Variants in ANKRD12 observed in about 807,000 individuals in gnomAD.
The protein encoded by ANKRD12 is ankyrin repeat domain 12, also known as ankyrin repeat domain-containing protein 12.
A neutral mutation model predicts 183.4 loss-of-function variants in ANKRD12; 85 were observed. That is an observed-to-expected ratio of 0.46 (90% CI 0.39 to 0.56). ANKRD12 has a LOEUF of 0.56. Among genes scored for constraint, ANKRD12 ranks in the 20% least tolerant of loss-of-function variants. The pLI is 0.00. For missense variants in ANKRD12, 2,405 were observed against 2,357.1 expected (o/e 1.02, Z -0.42); for synonymous variants, 914 against 800.2 (o/e 1.14, Z -2.40).
chr18:9,211,447 A>T (rs2144635520), intron 5 of ANKRD12, 137 bp from the exon 6 acceptor site: 1 of 716,856 alleles, frequency 1.4e-6, no homozygotes. Context: ...CGGATCATCC[A>T]AGTCAAGGTT....
rs2038509984 is a variant in ANKRD12, at chr18:9,254,907, C to T, written c.1640C>T (p.Ser547Phe). 3 of 1,564,632 alleles carry T rather than the reference C, an allele frequency of 1.9e-6. No homozygotes were observed. Among genetic ancestry groups the T allele is most frequent in the East Asian group, 2.3e-5 (1 of 43,988 alleles). ...TCCACTGGTAAATCTCCCAAACATT[C>T]TTGTGGATTAAGTGAAAAACAGTCA... ...HISTGKSPKH[S>F]CGLSEKQSTP... is the part of the protein sequence containing the mutation. The change falls in exon 9 of 13, where the codon TCT (serine) becomes TTT (phenylalanine). Residue 547 changes from serine to phenylalanine, a missense_variant. Physicochemically the swap from Ser to Phe is radical, Grantham distance 155 (BLOSUM62 -2). Around this residue, in one of 7 missense-constraint regions of ANKRD12, gnomAD observed 1,983 missense variants for 1,725.9 expected, o/e 1.15. Transcript: ENST00000262126.
chr18:9,154,365 T>G (rs2030060077), intron 1 of ANKRD12, among the ~76,000 whole-genome samples: 1 of 152,164 alleles, frequency 6.6e-6, no homozygotes, highest in East Asian at 1.9e-4. Flanking sequence ...TGCACCATGA[T>G]CATGCCACTG....
At chr18:9,190,543 C>T (rs1448951842) in intron 2 of ANKRD12, among the ~76,000 whole-genome samples, 2 of 152,166 alleles carry the variant, frequency 1.3e-5, no homozygotes, top group Non-Finnish European at 2.9e-5. Flanking sequence ...TAAGTGCTAT[C>T]AACAGCATTG....
At chr18:9,189,089 C>A (rs369721552) in intron 2 of ANKRD12, among the ~76,000 whole-genome samples, 1 of 152,124 alleles carries the variant, frequency 6.6e-6, no homozygotes, top group East Asian at 1.9e-4. Context: ...AGGAAAAGTT[C>A]TTGAAGAACA....
At chr18:9,186,136 G>GTTTTTTTTTTTTTT (rs1280812557) in intron 2 of ANKRD12, among the ~76,000 whole-genome samples, 91 of 141,878 alleles carry the variant, frequency 6.4e-4, no homozygotes, top group Non-Finnish European at 1.2e-3. Context: ...CTAAAAGTGT[G>GTTTTTTTTTTTTTT]ATTTTTTTTT....
Position 9,242,297 on chromosome 18 carries a change from T to G in ANKRD12, c.944-11914T>G, listed in dbSNP as rs544400714. Among the ~76,000 whole-genome samples the G allele has an allele frequency of 3.9e-5, 6 of 152,304 alleles. No individual in the cohort carries two copies. In the East Asian group the frequency reaches 1.2e-3, roughly 29 times the overall value. ...AAAATATTAACTTGATGTGTTTTCC[T>G]TAGAAACTGAATTTCTACCAGTGCC... is the stretch of plus-strand genomic sequence containing the variant. On this transcript the variant is annotated intron_variant, in intron 8 of 12. Coordinates refer to ENST00000262126, the MANE Select transcript of ANKRD12 (RefSeq NM_015208.5).
chr18:9,232,740 G>T (rs1235262001), intron 8 of ANKRD12, among the ~76,000 whole-genome samples: 1 of 151,968 alleles, frequency 6.6e-6, no homozygotes, highest in Admixed American at 6.5e-5. Context: ...GGGGATACCA[G>T]TAATTCATAT....
intron 11 of ANKRD12, among the ~76,000 whole-genome samples, chr18:9,276,265 C>G (rs11081469): frequency 0.11 from 16,822 of 152,150 alleles, 1,092 homozygotes; most frequent in African/African-American, 0.16. Flanking sequence ...AGGATTATCA[C>G]CTGAAAACAG....
intron 6 of ANKRD12, among the ~76,000 whole-genome samples, chr18:9,214,064 AT>A (rs1038213472): frequency 6.6e-6 from 1 of 151,580 alleles, no homozygotes; most frequent in African/African-American, 2.4e-5. Context: ...TTATATGTGG[AT>A]TTTTTTCAGT....
intron 3 of ANKRD12, among the ~76,000 whole-genome samples, chr18:9,201,994 A>AT (rs1252798052): frequency 6.6e-6 from 1 of 151,778 alleles, no homozygotes; most frequent in East Asian, 1.9e-4. Flanking sequence ...CACCCAGCTA[A>AT]TTTTTGTATT....
At chr18:9,150,557 A>G (rs2078651515) in intron 1 of ANKRD12, among the ~76,000 whole-genome samples, 1 of 152,214 alleles carries the variant, frequency 6.6e-6, no homozygotes, top group African/African-American at 2.4e-5. Flanking sequence ...GTTTATTGTA[A>G]AAGATTGTAG....
At chr18:9,171,945 G>A (rs984638978) in intron 1 of ANKRD12, among the ~76,000 whole-genome samples, 8 of 151,678 alleles carry the variant, frequency 5.3e-5, no homozygotes, top group Non-Finnish European at 8.8e-5. Context: ...ACTTGAACCC[G>A]GGAGGTGGAG....
At chr18:9,204,658 A>G in intron 4 of ANKRD12, 114 bp downstream of exon 4, 1 of 805,634 alleles carries the variant, frequency 1.2e-6, no homozygotes. Flanking sequence ...TCTTTGGTTA[A>G]ATAAATGAAC....
intron 1 of ANKRD12, among the ~76,000 whole-genome samples, chr18:9,161,240 T>A (rs930034594): frequency 6.6e-6 from 1 of 152,180 alleles, no homozygotes; most frequent in African/African-American, 2.4e-5. Flanking sequence ...TGAGTACTTA[T>A]TGCCCAGTAT....
intron 8 of ANKRD12, among the ~76,000 whole-genome samples, chr18:9,229,548 G>C (rs968200748): frequency 1.3e-5 from 2 of 152,002 alleles, no homozygotes; most frequent in Admixed American, 6.6e-5. Context: ...TGTTGTTGTT[G>C]TTGTTGTTTG....
rs147318947 is a variant in ANKRD12 at position 9,221,286 on chromosome 18, A to G, written c.796-566A>G. On this transcript the variant is annotated intron_variant, in intron 7 of 12. Transcript: ENST00000262126. ...GAGAAGGCCTTTCAAAGTGATGACT[A>G]CAACATTAGATACAGCATCCTTCTG... 3.6e-4 allele frequency among the ~76,000 whole-genome samples: 55 copies of G among 152,300 alleles called. 1 individual carries two copies. The highest frequency in any genetic ancestry group is 7.4e-4 in the Non-Finnish European group (50 of 68,004).
At chr18:9,201,490 CCCTGA>C (rs1346882262) in intron 3 of ANKRD12, among the ~76,000 whole-genome samples, 1 of 152,280 alleles carries the variant, frequency 6.6e-6, no homozygotes, top group African/African-American at 2.4e-5. Flanking sequence ...GTTTGTCATA[CCCTGA>C]GTTATTTCTT....
At chr18:9,230,691 C>T (rs2144858942) in intron 8 of ANKRD12, among the ~76,000 whole-genome samples, 1 of 150,628 alleles carries the variant, frequency 6.6e-6, no homozygotes, top group Non-Finnish European at 1.5e-5. Context: ...CAGAGTCTAG[C>T]TCTGTTGCCC....
chr18:9,173,514 T>C (rs188471506), intron 1 of ANKRD12, among the ~76,000 whole-genome samples: 1 of 152,054 alleles, frequency 6.6e-6, no homozygotes, highest in East Asian at 1.9e-4. Flanking sequence ...CCTAGTTGTC[T>C]TGGTCTTTCC....
Sources: allele counts gnomAD v4.1 joint callset (sites outside exome capture counted in the v4.1 genomes callset), GRCh38; gene constraint gnomAD v4.1.1; regional missense constraint gnomAD v4.1.1; transcripts MANE v1.5; gene names NCBI Gene and HGNC (gene_info 2026-07-23, HGNC 2026-07-21).